TMPRSS6: variants seen among roughly 807,000 people sequenced by gnomAD.
The protein encoded by TMPRSS6 is transmembrane protease serine 6.
A neutral mutation model predicts 101.5 loss-of-function variants in TMPRSS6; 67 were observed. The observed-to-expected ratio is 0.66, with a 90% confidence interval of 0.54 to 0.81. TMPRSS6 has a LOEUF of 0.81. TMPRSS6 is among the 30% of genes least tolerant of loss of function. The pLI, the probability that TMPRSS6 is intolerant of heterozygous loss-of-function variation, is 0.00. For synonymous variants in TMPRSS6, 453 were observed against 464.9 expected (o/e 0.97, Z 0.33); for missense variants, 1,034 against 1,088.7 (o/e 0.95, Z 0.71).
In TMPRSS6 at chr22:37,066,576, C is replaced by G. The variant is rs184114870; in HGVS notation, c.2250+250G>C. ...CTAGTGCCTTGTGGTGGGCAAGGAG[C>G]AGAACTGGGTTTGAGCCTAACACCT... On this transcript the variant is annotated intron_variant, in intron 17 of 17. Coordinates refer to ENST00000676104, the MANE Select transcript of TMPRSS6 (RefSeq NM_001374504.1). Among the ~76,000 whole-genome samples, 855 of 152,358 alleles carry G rather than the reference C, an allele frequency of 5.6e-3. 21 individuals carry two copies. Among genetic ancestry groups the G allele is most frequent in the Non-Finnish European group, 3.4e-3 (232 of 68,042 alleles).
rs1385678648 is a variant in TMPRSS6 at position 37,068,593 on chromosome 22, T to C, written c.2113+480A>G. On this transcript the variant is annotated intron_variant, in intron 16 of 17. Transcript: ENST00000676104. Reference sequence around the variant, plus strand: ...CCCTGGGTTCTAATCTTTGCTCCAGTCCTCTCTGGCTGTGTGACTTACAGC... The same window carrying C: ...CCCTGGGTTCTAATCTTTGCTCCAGCCCTCTCTGGCTGTGTGACTTACAGC... 5 of 779,480 alleles carry C rather than the reference T, an allele frequency of 6.4e-6. No homozygotes were observed. In the East Asian group the frequency reaches 1.2e-4, roughly 19 times the overall value. 48.3% of individuals were successfully genotyped at this position (779,480 alleles called of 1,614,324 possible). A position where few individuals can be genotyped will look rare whatever the true frequency, so the allele number is the denominator to read the frequency against.
intron 7 of TMPRSS6, 34 bp downstream of exon 7, chr22:37,089,544 G>GGGCC: frequency 4.4e-6 from 6 of 1,348,820 alleles, no homozygotes; most frequent in Non-Finnish European, 4.2e-6. Flanking sequence ...CCCTTTTCCA[G>GGGCC]CCCTCCCTCC....
rs201326785 is a variant in TMPRSS6 at position 37,069,101 on chromosome 22, A to C, written c.2085T>G (p.Ile695Met). Residue 695 changes from isoleucine to methionine, a missense_variant, in exon 16 of 18, where the codon ATT becomes ATG. Ile to Met is a conservative substitution (Grantham distance 10, BLOSUM62 1). Transcript: ENST00000676104. The surrounding 1 kb of genome is among the most constrained non-coding windows in gnomAD (Gnocchi z 4.8). Reference protein sequence around the residue: ...HFFEPGLHCWITGWGALREGG... With the variant: ...HFFEPGLHCWMTGWGALREGG... The stretch of plus-strand genomic sequence containing the variant: ...CCTCGCGCAAGGCGCCCCAGCCCGT[A>C]ATCCAGCAGTGCAGGCCGGGCTCGA... 2 of 1,553,904 alleles carry C rather than the reference A, an allele frequency of 1.3e-6. No individual in the cohort carries two copies. The highest frequency in any genetic ancestry group is 4.8e-5 in the East Asian group (2 of 41,506).
chr22:37,072,444 AT>A, intron 13 of TMPRSS6, among the ~76,000 whole-genome samples: 1 of 138,106 alleles, frequency 7.2e-6, no homozygotes, highest in Non-Finnish European at 1.5e-5. Context: ...TGGATGATGG[AT>A]GGATGGATGA....
chr22:37,072,788 CGGATGGATGATGGAT>C (rs1266038653), intron 13 of TMPRSS6, among the ~76,000 whole-genome samples: 14 of 50,540 alleles, frequency 2.8e-4, no homozygotes, highest in African/African-American at 9.9e-4. Context: ...GGATGATGGA[CGGATGGATGATGGAT>C]GGATGGATGG....
At chr22:37,084,436 C>T (rs1472123863) in intron 9 of TMPRSS6, 32 bp from the exon 10 acceptor site, 2 of 1,558,858 alleles carry the variant, frequency 1.3e-6, no homozygotes, top group Non-Finnish European at 1.8e-6. Flanking sequence ...TCAGGTGGCC[C>T]ATGGGGTGTG....
chr22:37,077,506 A>G (rs899946516), intron 10 of TMPRSS6, among the ~76,000 whole-genome samples: 7 of 152,250 alleles, frequency 4.6e-5, no homozygotes, highest in African/African-American at 7.2e-5. Flanking sequence ...ACACTCAGAT[A>G]TCATTTGCCT....
chr22:37,072,345 AT>A (rs1237673840), intron 13 of TMPRSS6, among the ~76,000 whole-genome samples: 3 of 138,682 alleles, frequency 2.2e-5, no homozygotes, highest in East Asian at 2.5e-4. Flanking sequence ...TGGATGATGG[AT>A]GGATGGATGG....
chr22:37,079,093 G>A (rs892399144), intron 10 of TMPRSS6, among the ~76,000 whole-genome samples: 2 of 152,166 alleles, frequency 1.3e-5, no homozygotes, highest in Admixed American at 6.5e-5. Flanking sequence ...TCTAGCCCTG[G>A]CCTGGCCCCT....
At position 37,103,238 on chromosome 22, in the gene TMPRSS6, C is replaced by A. The variant is rs773477033; in HGVS notation, c.180G>T (p.Gly60=). The A allele has an allele frequency of 2.9e-5, 47 of 1,613,922 alleles. No homozygotes were observed. In the Middle Eastern group the frequency reaches 8.2e-4, roughly 28 times the overall value. The change falls in exon 2 of 18, where the codon GGG becomes GGT. Residue 60 remains glycine, a synonymous_variant. Coordinates refer to ENST00000676104, the MANE Select transcript of TMPRSS6 (RefSeq NM_001374504.1). This position sits in a 1 kb window ranked among gnomAD's most constrained non-coding sequence, Gnocchi z 4.4. ...TACCTAGGAAATACCAGAGTAGCAC[C>A]CCCGCCGAAGCCAGCACGAGCAGGG... ...LLALLVLASA[G]VLLWYFLGYK...
At chr22:37,094,424 T>C (rs1369422004) in intron 6 of TMPRSS6, among the ~76,000 whole-genome samples, 1 of 128,424 alleles carries the variant, frequency 7.8e-6, no homozygotes, top group African/African-American at 3.4e-5. Context: ...GATAGATAGA[T>C]AGATATAAAC....
At position 37,069,111 on chromosome 22, in the gene TMPRSS6, T is replaced by G; in HGVS notation, c.2075A>C (p.His692Pro). The change falls in exon 16 of 18, where the codon CAC becomes CCC. Residue 692 changes from histidine (H) to proline (P), a missense_variant. Transcript: ENST00000676104. The surrounding 1 kb of genome is among the most constrained non-coding windows in gnomAD (Gnocchi z 4.8). ...ARSHFFEPGLHCWITGWGALR... is the reference protein window; with the variant it reads ...ARSHFFEPGLPCWITGWGALR... ...GGCGCCCCAGCCCGTAATCCAGCAG[T>G]GCAGGCCGGGCTCGAAGAAGTGGGA... 6.4e-7 allele frequency: 1 copy of G among 1,558,438 alleles called. No individual in the cohort carries two copies. Among genetic ancestry groups the G allele is most frequent in the Non-Finnish European group, 8.7e-7 (1 of 1,155,174 alleles).
Position 37,069,104 on chromosome 22 carries a change from C to A in TMPRSS6, c.2082G>T (p.Trp694Cys). 1.9e-6 allele frequency: 3 copies of A among 1,555,624 alleles called. No individual in the cohort carries two copies. Among genetic ancestry groups the A allele is most frequent in the Non-Finnish European group, 2.6e-6 (3 of 1,154,154 alleles). The change falls in exon 16 of 18, where the codon TGG becomes TGT. Residue 694 changes from tryptophan (W) to cysteine (C), a missense_variant. Trp to Cys is a radical substitution (Grantham distance 215). Transcript: ENST00000676104. The surrounding 1 kb of genome is among the most constrained non-coding windows in gnomAD (Gnocchi z 4.8). ...SHFFEPGLHC[W>C]ITGWGALREG... Reference sequence around the variant, plus strand: ...CGCGCAAGGCGCCCCAGCCCGTAATCCAGCAGTGCAGGCCGGGCTCGAAGA... The same window carrying A: ...CGCGCAAGGCGCCCCAGCCCGTAATACAGCAGTGCAGGCCGGGCTCGAAGA...
chr22:37,089,551 C>CAACCCCCCAACA, intron 7 of TMPRSS6, 27 bp downstream of exon 7: 2 of 1,415,282 alleles, frequency 1.4e-6, no homozygotes, highest in Non-Finnish European at 2.0e-6. Context: ...CCAGCCCTCC[C>CAACCCCCCAACA]TCCTGCCCTC....
upstream of TMPRSS6, among the ~76,000 whole-genome samples, chr22:37,109,933 C>T (rs902174338): frequency 6.6e-5 from 10 of 151,890 alleles, no homozygotes; most frequent in South Asian, 2.1e-4. Context: ...GTGCAGAGGC[C>T]GGTGCAGGTG....
Position 37,092,181 on chromosome 22 carries a change from G to A in TMPRSS6, c.632-2399C>T, listed in dbSNP as rs542179016. On this transcript the variant is annotated intron_variant, in intron 6 of 17. Transcript: ENST00000676104. ...ACCTTCAGGGAGCCTGGCACCTCTC[G>A]GGGCTGGGAGGAATTAACTGAACAC... is the stretch of plus-strand genomic sequence containing the variant. Among the ~76,000 whole-genome samples, 32 of 151,252 alleles carry A rather than the reference G, an allele frequency of 2.1e-4. 1 individual carries two copies. The South Asian group carries it at 5.7e-3, about 27-fold the overall frequency.
chr22:37,089,430 C>G (rs1929035766), intron 7 of TMPRSS6, 148 bp downstream of exon 7: 1 of 763,656 alleles, frequency 1.3e-6, no homozygotes. Context: ...CTCCCCTATC[C>G]CCTCTAAGCT....
At chr22:37,077,249 C>T (rs1927755249) in intron 10 of TMPRSS6, among the ~76,000 whole-genome samples, 1 of 152,224 alleles carries the variant, frequency 6.6e-6, no homozygotes, top group African/African-American at 2.4e-5. Flanking sequence ...GAGCCAGAAT[C>T]TTGCCTCAGG....
Position 37,069,153 on chromosome 22 carries a change from A to G in TMPRSS6, c.2033T>C (p.Val678Ala), listed in dbSNP as rs1336258202. 6.3e-7 allele frequency: 1 copy of G among 1,577,512 alleles called. No homozygotes were observed. ...GAAGTGGGAGCGCGCGGGCAGGCAG[A>G]CGGGGCGCACGGCGGCCGAGCGCAC... is the stretch of plus-strand genomic sequence containing the variant. ...PVVRSAAVRP[V>A]CLPARSHFFE... The change falls in exon 16 of 18, where the codon GTC becomes GCC. Residue 678 changes from valine (V) to alanine (A), a missense_variant. Coordinates refer to ENST00000676104, the MANE Select transcript of TMPRSS6 (RefSeq NM_001374504.1). The surrounding 1 kb of genome is among the most constrained non-coding windows in gnomAD (Gnocchi z 4.8).
Sources: allele counts gnomAD v4.1 joint callset (sites outside exome capture counted in the v4.1 genomes callset), GRCh38; gene constraint gnomAD v4.1.1; non-coding constraint Gnocchi (gnomAD v3.1); transcripts MANE v1.5; gene names NCBI Gene and HGNC (gene_info 2026-07-23, HGNC 2026-07-21).